Variants in DHRS12 observed in about 807,000 individuals in gnomAD.
DHRS12 encodes dehydrogenase/reductase 12.
In DHRS12, 29 loss-of-function variants were observed where a neutral mutation model predicts 32.1. That is an observed-to-expected ratio of 0.90 (90% CI 0.67 to 1.23). The LOEUF (loss-of-function observed/expected upper bound fraction) is 1.23. Among genes scored for constraint, DHRS12 ranks in the 50% most tolerant of loss-of-function variants. DHRS12 has a pLI of 0.00. For synonymous variants in DHRS12, 150 were observed against 135.9 expected, an observed-to-expected ratio of 1.10 and a Z score of -0.72; for missense variants, 330 against 337.2, an observed-to-expected ratio of 0.98 and a Z score of 0.17.
chr13:51,774,208 AT>A (rs201764596), intron 5 of DHRS12, 174 bp from the exon 6 acceptor site: 35 of 590,898 alleles, frequency 5.9e-5, no homozygotes, highest in African/African-American at 5.0e-4. Context: ...ATTCTCCTAC[AT>A]GTATTCTCCT....
rs752509362 is a variant in DHRS12 at position 51,790,058 on chromosome 13, T to A, written c.254A>T (p.Glu85Val). ...NNAGCMVNKR[E>V]LTEDGLEKNF... ...TTTTTCAAGTCCATCTTCTGTGAGC[T>A]CTCTTTTATTGACCATGCAACCTGC... The change falls in exon 4 of 9, where the codon GAG (glutamate) becomes GTG (valine). Residue 85 changes from glutamate to valine, a missense_variant. By Grantham distance (121) the Glu-to-Val change is moderately radical. Coordinates refer to ENST00000444610, the MANE Select transcript of DHRS12 (RefSeq NM_001377533.1). 1.9e-6 allele frequency: 3 copies of A among 1,603,386 alleles called. No homozygotes were observed. The highest frequency in any genetic ancestry group is 1.7e-6 in the Non-Finnish European group (2 of 1,176,736).
At chr13:51,802,811 T>A (rs1443460961) in intron 1 of DHRS12, among the ~76,000 whole-genome samples, 3 of 152,154 alleles carry the variant, frequency 2.0e-5, no homozygotes, top group Non-Finnish European at 4.4e-5. Flanking sequence ...TCCCCTCCCC[T>A]CCCTTCCCCC....
intron 4 of DHRS12, among the ~76,000 whole-genome samples, chr13:51,787,897 T>A (rs7338973): frequency 7.6e-6 from 1 of 132,012 alleles, no homozygotes; most frequent in Non-Finnish European, 1.6e-5. Context: ...TATATAAATA[T>A]ATATAAAAAT....
At chr13:51,799,434 A>C in intron 2 of DHRS12, 100 bp downstream of exon 2, 1 of 1,530,414 alleles carries the variant, frequency 6.5e-7, no homozygotes, top group Non-Finnish European at 8.8e-7. Flanking sequence ...GCCGTCCAGG[A>C]CTTCCTGGCC....
At position 51,769,271 on chromosome 13, in the gene DHRS12, C is replaced by T. The variant is rs767216493; in HGVS notation, c.582G>A (p.Gly194=). The part of the protein sequence containing the change: ...DTPGVRQAMP[G]FHARFGDRLR... ...GGCGGTCCCCGAACCTGGCGTGGAA[C>T]CCCGGCATCGCCTGCCTCACACCTG... The change falls in exon 8 of 9, where the codon GGG becomes GGA. Residue 194 remains glycine (G), a synonymous_variant. Coordinates refer to ENST00000444610, the MANE Select transcript of DHRS12 (RefSeq NM_001377533.1). 1 of 1,581,434 alleles carries T rather than the reference C, an allele frequency of 6.3e-7. No homozygotes were observed. The highest frequency in any genetic ancestry group is 1.1e-5 in the South Asian group (1 of 87,004).
At chr13:51,795,734 C>A (rs1955485604) in intron 2 of DHRS12, among the ~76,000 whole-genome samples, 1 of 152,206 alleles carries the variant, frequency 6.6e-6, no homozygotes, top group African/African-American at 2.4e-5. Context: ...TCGCCATCAC[C>A]AGGGAAGCCA....
At chr13:51,793,729 C>G (rs1955387052) in intron 2 of DHRS12, among the ~76,000 whole-genome samples, 1 of 152,210 alleles carries the variant, frequency 6.6e-6, no homozygotes, top group Non-Finnish European at 1.5e-5. Flanking sequence ...CCAATGACTG[C>G]AAACTGAGTC....
Position 51,777,392 on chromosome 13 carries a change from C to T in DHRS12, c.302-271G>A, listed in dbSNP as rs1403743182. On this transcript the variant is annotated intron_variant, in intron 4 of 8. Transcript: ENST00000444610. Reference sequence around the variant, plus strand: ...GGAAGGGAAAAAGAAAACTGCCAAACCGTAGATGGGTCCACTTTGCAGAAG... The same window carrying T: ...GGAAGGGAAAAAGAAAACTGCCAAATCGTAGATGGGTCCACTTTGCAGAAG... The T allele has an allele frequency of 8.5e-6, 4 of 470,692 alleles. No individual in the cohort carries two copies. The Admixed American group carries it at 1.5e-4, about 17-fold the overall frequency. 29.2% of individuals were successfully genotyped at this position (470,692 alleles called of 1,614,324 possible).
Position 51,768,128 on chromosome 13 carries a change from G to C in DHRS12, c.*59C>G. ...GGGTCTTCTTATTCACTGGTCCCTA[G>C]ACCGCACCTTCTGGTATCTTCTAAG... On this transcript the variant is annotated 3_prime_UTR_variant, in exon 9 of 9. Transcript: ENST00000444610. 6.5e-7 allele frequency: 1 copy of C among 1,534,594 alleles called. No individual in the cohort carries two copies. Among genetic ancestry groups the C allele is most frequent in the South Asian group, 1.2e-5 (1 of 83,870 alleles).
intron 3 of DHRS12, 114 bp from the exon 4 acceptor site, chr13:51,790,206 A>T: frequency 1.3e-6 from 1 of 749,972 alleles, no homozygotes. Context: ...TCAAGTGACA[A>T]TGACAATTTG....
intron 7 of DHRS12, 118 bp downstream of exon 7, chr13:51,771,703 A>C (rs930396864): frequency 2.9e-6 from 4 of 1,359,890 alleles, no homozygotes; most frequent in Non-Finnish European, 3.1e-6. Context: ...AAATGAAGCT[A>C]CTCCTCAGTC....
At chr13:51,789,396 G>A (rs1051414126) in intron 4 of DHRS12, 1 of 285,796 alleles carries the variant, frequency 3.5e-6, no homozygotes, top group Non-Finnish European at 5.3e-6. Flanking sequence ...GAATCATCCA[G>A]AAGGCCTGTC....
intron 2 of DHRS12, among the ~76,000 whole-genome samples, chr13:51,799,062 T>G (rs1955635637): frequency 1.3e-5 from 2 of 152,172 alleles, no homozygotes; most frequent in Admixed American, 6.5e-5. Flanking sequence ...TGCACTCCTC[T>G]CTCCAGGTAT....
intron 4 of DHRS12, among the ~76,000 whole-genome samples, chr13:51,780,946 A>G (rs756454778): frequency 6.6e-6 from 1 of 152,232 alleles, no homozygotes; most frequent in Non-Finnish European, 1.5e-5. Context: ...AGCCACCTTG[A>G]ATTAAAGCTA....
intron 4 of DHRS12, 32 bp from the exon 5 acceptor site, chr13:51,777,153 C>T (rs1566283523): frequency 8.1e-6 from 13 of 1,613,118 alleles, no homozygotes; most frequent in Middle Eastern, 1.7e-4. Context: ...CATGAGGGGG[C>T]TGCAGGAAGC....
chr13:51,766,361 C>G (rs1465321498), downstream of DHRS12: 1 of 152,274 alleles, frequency 6.6e-6, no homozygotes, highest in Admixed American at 6.5e-5. Flanking sequence ...TTCTCTACAT[C>G]CACCGGACTG....
chr13:51,789,752 T>C (rs1431405376), intron 4 of DHRS12: 1 of 985,260 alleles, frequency 1.0e-6, no homozygotes, highest in African/African-American at 1.7e-5. Flanking sequence ...CAAAACAATG[T>C]CTATAAACAG....
At chr13:51,755,271 A>G in the DHRS12 span, 8 of 1,245,164 alleles carry the variant, frequency 6.4e-6, no homozygotes, top group Non-Finnish European at 8.2e-6. Flanking sequence ...ACACATCCTG[A>G]TAGCTCCATA....
At chr13:51,780,505 A>G (rs1252840525) in intron 4 of DHRS12, among the ~76,000 whole-genome samples, 1 of 152,236 alleles carries the variant, frequency 6.6e-6, no homozygotes. Flanking sequence ...CATTATCATT[A>G]TGACTCATTA....
Sources: allele counts gnomAD v4.1 joint callset (sites outside exome capture counted in the v4.1 genomes callset), GRCh38; gene constraint gnomAD v4.1.1; transcripts MANE v1.5; gene names NCBI Gene and HGNC (gene_info 2026-07-23, HGNC 2026-07-21).